GLG1: variants seen among roughly 807,000 people sequenced by gnomAD.
GLG1 encodes the protein Golgi apparatus protein 1.
A neutral mutation model predicts 160.5 loss-of-function variants in GLG1; 38 were observed. The observed-to-expected ratio is 0.24, with a 90% CI of 0.18 to 0.31. The LOEUF (loss-of-function observed/expected upper bound fraction) is 0.31. Among genes scored for constraint, GLG1 ranks in the 10% least tolerant of loss-of-function variants. GLG1 has a pLI of 1.00. For synonymous variants in GLG1, 644 were observed against 543.4 expected (o/e 1.19, Z -2.57); for missense variants, 1,373 against 1,505.2 (o/e 0.91, Z 1.45).
intron 2 of GLG1, 135 bp from the exon 3 acceptor site, chr16:74,509,060 G>C: frequency 2.4e-6 from 1 of 423,940 alleles, no homozygotes. Flanking sequence ...AACAAACAAA[G>C]TAGGATAAAA....
intron 2 of GLG1, among the ~76,000 whole-genome samples, chr16:74,511,297 T>C (rs2016795370): frequency 6.6e-6 from 1 of 152,068 alleles, no homozygotes; most frequent in Non-Finnish European, 1.5e-5. Flanking sequence ...GGATTTCTTC[T>C]CCTCCCTCCT....
chr16:74,581,905 G>A (rs746120521), intron 1 of GLG1, among the ~76,000 whole-genome samples: 9 of 152,056 alleles, frequency 5.9e-5, no homozygotes, highest in East Asian at 5.8e-4. Flanking sequence ...GTGAGACTCC[G>A]TCTCAAAAAA....
At chr16:74,510,031 C>CTT (rs35929432) in intron 2 of GLG1, among the ~76,000 whole-genome samples, 1,729 of 134,616 alleles carry the variant, frequency 0.013, 37 homozygotes, top group African/African-American at 0.046. Context: ...ATAAGGTCTA[C>CTT]TTTTTTTTTT....
intron 8 of GLG1, among the ~76,000 whole-genome samples, chr16:74,489,659 G>A (rs1450020983): frequency 6.6e-6 from 1 of 152,142 alleles, no homozygotes; most frequent in Non-Finnish European, 1.5e-5. Flanking sequence ...CAACACTGTG[G>A]CAAAATCAAA....
At chr16:74,567,790 G>C (rs563397434) in intron 1 of GLG1, among the ~76,000 whole-genome samples, 1 of 150,770 alleles carries the variant, frequency 6.6e-6, no homozygotes, top group Non-Finnish European at 1.5e-5. Flanking sequence ...GGATGGTCTC[G>C]ATCTCCTGAC....
chr16:74,531,232 G>A (rs2017521467), intron 2 of GLG1, among the ~76,000 whole-genome samples: 2 of 151,912 alleles, frequency 1.3e-5, no homozygotes, highest in East Asian at 1.9e-4. Flanking sequence ...TACAGCCTCC[G>A]GTCCCATCTA....
chr16:74,546,858 G>GAAAAAAAAAAAAA, intron 1 of GLG1, among the ~76,000 whole-genome samples: 1 of 43,160 alleles, frequency 2.3e-5, no homozygotes, highest in Non-Finnish European at 4.7e-5. Context: ...AAAAAAAAAG[G>GAAAAAAAAAAAAA]ATCCCTGACT....
intron 1 of GLG1, among the ~76,000 whole-genome samples, chr16:74,535,935 G>C (rs2161733): frequency 0.98 from 149,523 of 152,272 alleles, 73,487 homozygotes; most frequent in Non-Finnish European, 1. Context: ...TTTAGAGGAA[G>C]AGAAGAGAGA....
intron 2 of GLG1, among the ~76,000 whole-genome samples, chr16:74,510,593 G>A (rs1440873456): frequency 6.6e-6 from 1 of 151,972 alleles, no homozygotes; most frequent in African/African-American, 2.4e-5. Flanking sequence ...TTCCTCTCTG[G>A]CTACTATATA....
chr16:74,471,972 A>T (rs1014655161), intron 14 of GLG1, among the ~76,000 whole-genome samples: 5 of 151,998 alleles, frequency 3.3e-5, no homozygotes, highest in Admixed American at 3.3e-4. Flanking sequence ...TGGCACAATC[A>T]CGGCTCACTG....
Position 74,449,356 on chromosome 16 carries a change from G to A in GLG1, c.*3811C>T, listed in dbSNP as rs965298619. The A allele has an allele frequency of 1.3e-5, 2 of 152,160 alleles. No homozygotes were observed. The highest frequency in any genetic ancestry group is 4.8e-5 in the African/African-American group (2 of 41,434). 9.4% of individuals were successfully genotyped at this position (152,160 alleles called of 1,614,324 possible). ...ACAGGCCTGGAGGATGGGAGGATAG[G>A]AGACACTTCCAGAAGCCACACTGAC... On this transcript the variant is annotated 3_prime_UTR_variant, in exon 26 of 26. Transcript: ENST00000422840.
chr16:74,528,799 G>A (rs1249340270), intron 2 of GLG1, among the ~76,000 whole-genome samples: 1 of 103,586 alleles, frequency 9.7e-6, no homozygotes, highest in African/African-American at 3.9e-5. Flanking sequence ...GTGACAGAGC[G>A]AGATTCTGTC....
intron 1 of GLG1, among the ~76,000 whole-genome samples, chr16:74,536,289 G>C (rs2017685181): frequency 6.6e-6 from 1 of 152,076 alleles, no homozygotes; most frequent in African/African-American, 2.4e-5. Context: ...AATAGCATGA[G>C]GAATAACACC....
intron 1 of GLG1, among the ~76,000 whole-genome samples, chr16:74,577,616 T>C (rs1275495481): frequency 1.3e-5 from 2 of 151,976 alleles, no homozygotes; most frequent in Non-Finnish European, 2.9e-5. Context: ...ACATTCTTTT[T>C]ATTTTTATTT....
chr16:74,544,770 G>A (rs2143670595), intron 1 of GLG1, among the ~76,000 whole-genome samples: 1 of 152,260 alleles, frequency 6.6e-6, no homozygotes, highest in Non-Finnish European at 1.5e-5. Flanking sequence ...AAAGTGCAGG[G>A]ATTACAGGTG....
At chr16:74,566,317 C>G (rs1440982275) in intron 1 of GLG1, among the ~76,000 whole-genome samples, 1 of 152,204 alleles carries the variant, frequency 6.6e-6, no homozygotes, top group Non-Finnish European at 1.5e-5. Context: ...TGTGATTCTT[C>G]TCTACAGGAC....
chr16:74,485,750 CAAA>C (rs779169118), intron 9 of GLG1, 43 bp downstream of exon 9: 9 of 1,564,236 alleles, frequency 5.8e-6, no homozygotes, highest in Non-Finnish European at 7.0e-6. Flanking sequence ...CCTGTGCTGC[CAAA>C]TGAAATACAA....
intron 9 of GLG1, among the ~76,000 whole-genome samples, chr16:74,484,728 T>C (rs1360260663): frequency 7.0e-6 from 1 of 143,512 alleles, no homozygotes; most frequent in African/African-American, 2.9e-5. Context: ...ATTGCGCCAC[T>C]GTACTCCAGC....
chr16:74,603,508 T>G (rs910455888), intron 1 of GLG1, among the ~76,000 whole-genome samples: 1 of 151,794 alleles, frequency 6.6e-6, no homozygotes. Context: ...AACTCCTAGC[T>G]CAAGCAATCC....
Sources: gnomAD v4.1 joint callset for allele counts (sites outside exome capture counted in the v4.1 genomes callset) on GRCh38, gnomAD v4.1.1 for gene constraint, MANE v1.5 for transcripts, NCBI Gene and HGNC (gene_info 2026-07-23, HGNC 2026-07-21) for gene names.